The following TMEM40 variants were observed in gnomAD, a reference collection of about 807,000 sequenced individuals.
The protein encoded by TMEM40 is transmembrane protein 40.
In TMEM40, 34 loss-of-function variants were observed where a neutral mutation model predicts 40.8. The ratio of observed to expected loss-of-function variants is 0.83; its 90% CI spans 0.63 to 1.11. The LOEUF (loss-of-function observed/expected upper bound fraction) is 1.11. TMEM40 is among the 50% of genes least tolerant of loss of function. The pLI is 0.00. For missense variants in TMEM40, 296 were observed against 280.2 expected (o/e 1.06, Z -0.40); for synonymous variants, 106 against 107.0 (o/e 0.99, Z 0.06).
chr3:12,738,476 C>G (rs1002771642), intron 6 of TMEM40, 77 bp downstream of exon 6: 39 of 1,526,250 alleles, frequency 2.6e-5, no homozygotes, highest in East Asian at 6.7e-5. Flanking sequence ...GGTGCTGGCT[C>G]TCTTGGGGGA....
At position 12,734,230 on chromosome 3, in the gene TMEM40, G is replaced by A. The variant is rs1428422583; in HGVS notation, c.*544C>T. ...GCCTGGCTGCCATTTAGTTTCTGATGATCATTTTCCTGCCTTTTTTTTTGG... is the reference window on the plus strand; with the variant it reads ...GCCTGGCTGCCATTTAGTTTCTGATAATCATTTTCCTGCCTTTTTTTTTGG... On this transcript the variant is annotated 3_prime_UTR_variant, in exon 12 of 12. Coordinates refer to ENST00000314124, the MANE Select transcript of TMEM40 (RefSeq NM_018306.4). The A allele has an allele frequency of 6.6e-6, 1 of 152,104 alleles. No homozygotes were observed. The highest frequency in any genetic ancestry group is 2.4e-5 in the African/African-American group (1 of 41,374). 9.4% of individuals were successfully genotyped at this position (152,104 alleles called of 1,614,324 possible).
intron 1 of TMEM40, among the ~76,000 whole-genome samples, chr3:12,751,292 G>GT (rs1312499929): frequency 6.2e-5 from 9 of 145,474 alleles, no homozygotes; most frequent in Non-Finnish European, 9.0e-5. Context: ...TTTTTTTTCT[G>GT]TTTTTTGAGA....
At chr3:12,743,017 G>A (rs1449318889) in intron 4 of TMEM40, among the ~76,000 whole-genome samples, 1 of 152,122 alleles carries the variant, frequency 6.6e-6, no homozygotes, top group African/African-American at 2.4e-5. Context: ...ATAGAACCCA[G>A]GGCTCAGCTC....
chr3:12,760,138 C>T (rs2061558868), upstream of TMEM40, among the ~76,000 whole-genome samples: 3 of 152,182 alleles, frequency 2.0e-5, no homozygotes, highest in Admixed American at 2.0e-4. Context: ...AGCCTGAATT[C>T]AGCCCCTTCT....
chr3:12,755,474 A>G (rs2061520427), intron 1 of TMEM40, among the ~76,000 whole-genome samples: 1 of 151,782 alleles, frequency 6.6e-6, no homozygotes, highest in Admixed American at 6.6e-5. Context: ...TAATATTCTA[A>G]AAATGACAAC....
chr3:12,749,127 C>A (rs2061453118), intron 2 of TMEM40, among the ~76,000 whole-genome samples: 1 of 152,034 alleles, frequency 6.6e-6, no homozygotes, highest in Admixed American at 6.6e-5. Context: ...CGGGTTCATG[C>A]CATTCTCCTG....
chr3:12,744,983 T>A (rs764244279), intron 3 of TMEM40, among the ~76,000 whole-genome samples: 1 of 152,136 alleles, frequency 6.6e-6, no homozygotes, highest in Admixed American at 6.5e-5. Flanking sequence ...TATTCATCAG[T>A]GCAAAAAATG....
chr3:12,755,188 TTC>T (rs2061511300), intron 1 of TMEM40, among the ~76,000 whole-genome samples: 1 of 96,816 alleles, frequency 1.0e-5, no homozygotes. Context: ...CTCTCCTTCC[TTC>T]CTTCCTTCCT....
At chr3:12,747,248 C>T (rs2061436189) in intron 3 of TMEM40, among the ~76,000 whole-genome samples, 1 of 151,842 alleles carries the variant, frequency 6.6e-6, no homozygotes, top group Non-Finnish European at 1.5e-5. Flanking sequence ...AAGCTCAAGC[C>T]CACCATAAAA....
intron 3 of TMEM40, among the ~76,000 whole-genome samples, chr3:12,747,186 C>CT (rs546380956): frequency 7.0e-4 from 99 of 141,222 alleles, no homozygotes; most frequent in East Asian, 1.4e-3. Flanking sequence ...AAGACCAGAG[C>CT]TTTTTTTTTT....
intron 1 of TMEM40, among the ~76,000 whole-genome samples, chr3:12,750,698 G>A (rs898010227): frequency 6.6e-6 from 1 of 152,090 alleles, no homozygotes; most frequent in African/African-American, 2.4e-5. Flanking sequence ...TCCTCCCACC[G>A]CAGCCTCCTG....
intron 1 of TMEM40, 137 bp from the exon 2 acceptor site, chr3:12,749,977 GGTA>G: frequency 1.1e-6 from 1 of 906,364 alleles, no homozygotes; most frequent in Non-Finnish European, 1.6e-6. Flanking sequence ...CAAAAAAAAT[GGTA>G]GTTCTGTTGG....
At chr3:12,750,752 A>G (rs1450508193) in intron 1 of TMEM40, among the ~76,000 whole-genome samples, 2 of 151,988 alleles carry the variant, frequency 1.3e-5, no homozygotes, top group Non-Finnish European at 2.9e-5. Context: ...CCAGCCTCTG[A>G]CTCATTTAAA....
intron 1 of TMEM40, among the ~76,000 whole-genome samples, chr3:12,758,970 C>T (rs185948156): frequency 2.6e-5 from 4 of 152,148 alleles, no homozygotes; most frequent in African/African-American, 4.8e-5. Context: ...CAAGTATAGG[C>T]GGGTGGAAAC....
At position 12,738,179 on chromosome 3, in the gene TMEM40, G is replaced by A; in HGVS notation, c.392-11C>T. Reference sequence around the variant, plus strand: ...CTCTCCTTCGGAGTCCTGGAAACAAGAAACTCAACATTAGTGCCCAACCCC... The same window carrying A: ...CTCTCCTTCGGAGTCCTGGAAACAAAAAACTCAACATTAGTGCCCAACCCC... On this transcript the variant is annotated splice_polypyrimidine_tract_variant and intron_variant, in intron 6 of 11. Transcript: ENST00000314124. The A allele has an allele frequency of 6.2e-7, 1 of 1,613,898 alleles. No homozygotes were observed. The highest frequency in any genetic ancestry group is 8.5e-7 in the Non-Finnish European group (1 of 1,179,948).
At chr3:12,755,050 CCTTTCCTTCCTT>C (rs2061508773) in intron 1 of TMEM40, among the ~76,000 whole-genome samples, 1 of 132,912 alleles carries the variant, frequency 7.5e-6, no homozygotes, top group South Asian at 2.6e-4. Flanking sequence ...TTTCTTTCTT[CCTTTCCTTCCTT>C]CTTTCCTTCT....
intron 9 of TMEM40, 52 bp downstream of exon 9, chr3:12,736,712 G>A (rs1212901273): frequency 6.2e-7 from 1 of 1,613,450 alleles, no homozygotes; most frequent in African/African-American, 1.3e-5. Context: ...CCTGCCCCCT[G>A]CACCACCCCA....
chr3:12,745,272 T>G (rs1186238196), intron 3 of TMEM40, among the ~76,000 whole-genome samples: 5 of 148,992 alleles, frequency 3.4e-5, no homozygotes, highest in Non-Finnish European at 5.9e-5. Flanking sequence ...TTCACCATGT[T>G]AGTGAGGCTG....
intron 8 of TMEM40, among the ~76,000 whole-genome samples, chr3:12,737,223 G>A (rs1288159496): frequency 6.7e-6 from 1 of 149,510 alleles, no homozygotes; most frequent in Non-Finnish European, 1.5e-5. Flanking sequence ...TCTGTGTGGA[G>A]CACCATGGTC....
Sources: gnomAD v4.1 joint callset for allele counts (sites outside exome capture counted in the v4.1 genomes callset) on GRCh38, gnomAD v4.1.1 for gene constraint, MANE v1.5 for transcripts, NCBI Gene and HGNC (gene_info 2026-07-23, HGNC 2026-07-21) for gene names.